Variants in LSAMP observed in about 807,000 individuals in gnomAD.
LSAMP encodes the protein limbic system-associated membrane protein.
Under a neutral mutation model 38.6 loss-of-function variants are expected in LSAMP, and 7 were observed. That is an observed-to-expected ratio of 0.18 (90% CI 0.10 to 0.34). The LOEUF (loss-of-function observed/expected upper bound fraction) is 0.34, where lower values mean the gene tolerates loss of function less well. Among genes scored for constraint, LSAMP ranks in the 10% least tolerant of loss-of-function variants. LSAMP has a pLI of 1.00. For missense variants in LSAMP, 313 were observed against 420.0 expected (o/e 0.75, Z 2.23); for synonymous variants, 154 against 166.8 (o/e 0.92, Z 0.59).
chr3:116,305,876 T>C (rs2047477583), intron 1 of LSAMP, among the ~76,000 whole-genome samples: 1 of 151,678 alleles, frequency 6.6e-6, no homozygotes, highest in South Asian at 2.1e-4. Flanking sequence ...TGAGATAATC[T>C]GAACTTCTTC....
At chr3:115,863,926 A>C (rs1184844681) in intron 3 of LSAMP, among the ~76,000 whole-genome samples, 1 of 152,150 alleles carries the variant, frequency 6.6e-6, no homozygotes, top group Non-Finnish European at 1.5e-5. Context: ...ACCAATTCCA[A>C]ATGACAGGAG....
chr3:116,309,633 A>T (rs1048698269), intron 1 of LSAMP, among the ~76,000 whole-genome samples: 2 of 152,144 alleles, frequency 1.3e-5, no homozygotes, highest in African/African-American at 4.8e-5. Flanking sequence ...TTAATGCTTT[A>T]AAAAGAACAA....
chr3:116,349,083 T>C (rs1040600534), intron 1 of LSAMP, among the ~76,000 whole-genome samples: 1 of 152,122 alleles, frequency 6.6e-6, no homozygotes, highest in African/African-American at 2.4e-5. Context: ...ATAATATCTA[T>C]ATCTAATGAA....
chr3:115,914,886 G>A (rs1937214170), intron 3 of LSAMP, among the ~76,000 whole-genome samples: 1 of 152,208 alleles, frequency 6.6e-6, no homozygotes, highest in Admixed American at 6.5e-5. Context: ...CTGCTGGGAA[G>A]ATGGAATTGG....
At chr3:116,278,426 A>T (rs1012037672) in intron 1 of LSAMP, among the ~76,000 whole-genome samples, 1 of 152,188 alleles carries the variant, frequency 6.6e-6, no homozygotes, top group Admixed American at 6.5e-5. Flanking sequence ...TCCTCAATTC[A>T]TAATATCATA....
intron 1 of LSAMP, among the ~76,000 whole-genome samples, chr3:116,274,327 A>C (rs1200815550): frequency 1.3e-5 from 2 of 152,236 alleles, no homozygotes; most frequent in African/African-American, 4.8e-5. Flanking sequence ...TGGAAGAATA[A>C]GTAAATGACG....
chr3:116,389,109 CA>C (rs2048661875), intron 1 of LSAMP, among the ~76,000 whole-genome samples: 4 of 152,102 alleles, frequency 2.6e-5, no homozygotes, highest in Admixed American at 2.0e-4. Flanking sequence ...AGGTTTTTAG[CA>C]GTCAGACAGG....
chr3:116,155,017 G>GTT (rs66744004), intron 1 of LSAMP, among the ~76,000 whole-genome samples: 20 of 5,034 alleles, frequency 4.0e-3, no homozygotes, highest in Admixed American at 0.02. Flanking sequence ...TGAATGTTTT[G>GTT]GTTTTTTTTG....
At chr3:116,015,122 T>C (rs1300612419) in intron 3 of LSAMP, among the ~76,000 whole-genome samples, 1 of 152,170 alleles carries the variant, frequency 6.6e-6, no homozygotes, top group East Asian at 1.9e-4. Context: ...ATTTTTAAAG[T>C]GAGATCTGGT....
chr3:116,158,909 C>T (rs973370374), intron 1 of LSAMP, among the ~76,000 whole-genome samples: 12 of 151,732 alleles, frequency 7.9e-5, no homozygotes, highest in South Asian at 4.2e-4. Flanking sequence ...TAAGCAAAAA[C>T]GAAACAAAAC....
chr3:116,233,907 G>A (rs1221539122), intron 1 of LSAMP, among the ~76,000 whole-genome samples: 1 of 152,104 alleles, frequency 6.6e-6, no homozygotes, highest in African/African-American at 2.4e-5. Flanking sequence ...CCTTCCAGAA[G>A]GCATAACAAC....
chr3:115,915,789 C>T (rs866936384), intron 3 of LSAMP, among the ~76,000 whole-genome samples: 3 of 152,072 alleles, frequency 2.0e-5, no homozygotes, highest in African/African-American at 7.2e-5. Flanking sequence ...CGCACCACCA[C>T]GCCCGGCTAA....
intron 1 of LSAMP, among the ~76,000 whole-genome samples, chr3:116,429,860 G>A (rs992104711): frequency 1.3e-5 from 2 of 152,172 alleles, no homozygotes; most frequent in Non-Finnish European, 2.9e-5. Context: ...CCAAGAGGTT[G>A]ACAACAGGTA....
At position 116,437,609 on chromosome 3, in the gene LSAMP, A is replaced by G. The variant is rs992754459; in HGVS notation, c.155+7268T>C. Among the ~76,000 whole-genome samples the G allele has an allele frequency of 1.8e-4, 27 of 151,204 alleles. 1 individual carries two copies. The highest frequency in any genetic ancestry group is 6.1e-4 in the African/African-American group (25 of 41,148). On this transcript the variant is annotated intron_variant, in intron 1 of 6. Coordinates refer to ENST00000490035, the MANE Select transcript of LSAMP (RefSeq NM_002338.5). ...AGAGGGAAAAGGGGAGAGGAAGGAG[A>G]GAGGAGAAGGGAGGAGAGAAGGCAA...
intron 1 of LSAMP, among the ~76,000 whole-genome samples, chr3:116,312,139 T>G (rs17646052): frequency 0.097 from 14,743 of 152,256 alleles, 835 homozygotes; most frequent in Middle Eastern, 0.17. Context: ...GCTAAAAATC[T>G]TTTGCTTCAC....
At chr3:115,924,366 C>T (rs1937451571) in intron 3 of LSAMP, among the ~76,000 whole-genome samples, 2 of 152,074 alleles carry the variant, frequency 1.3e-5, no homozygotes, top group African/African-American at 4.8e-5. Flanking sequence ...TGTGTTTCTT[C>T]TACTTATGTC....
intron 3 of LSAMP, among the ~76,000 whole-genome samples, chr3:115,960,685 A>T (rs1393523101): frequency 9.2e-5 from 14 of 152,174 alleles, no homozygotes; most frequent in Non-Finnish European, 1.8e-4. Context: ...TGCACTGTGG[A>T]ACCTGGCATA....
At chr3:116,391,552 C>T (rs1044960679) in intron 1 of LSAMP, among the ~76,000 whole-genome samples, 1 of 148,254 alleles carries the variant, frequency 6.7e-6, no homozygotes, top group East Asian at 2.0e-4. Context: ...CGCTCACTAG[C>T]GGGGGAGCAG....
chr3:116,010,901 C>A (rs1335545156), intron 3 of LSAMP, among the ~76,000 whole-genome samples: 1 of 152,130 alleles, frequency 6.6e-6, no homozygotes, highest in Non-Finnish European at 1.5e-5. Context: ...ACTAATATTT[C>A]TATTTTTTTA....
Sources: gnomAD v4.1 joint callset for allele counts (sites outside exome capture counted in the v4.1 genomes callset) on GRCh38, gnomAD v4.1.1 for gene constraint, MANE v1.5 for transcripts, NCBI Gene and HGNC (gene_info 2026-07-23, HGNC 2026-07-21) for gene names.